The following FLOT2 variants were observed in gnomAD, a reference collection of about 807,000 sequenced individuals.
FLOT2 encodes flotillin-2.
FLOT2 carries 35 observed loss-of-function variants against 54.9 expected under a neutral mutation model. The observed-to-expected ratio is 0.64, with a 90% confidence interval of 0.49 to 0.84. The LOEUF (loss-of-function observed/expected upper bound fraction) is 0.84. Ranked by LOEUF, FLOT2 falls within the 40% of genes least tolerant of loss-of-function variation. The pLI, the probability that FLOT2 is intolerant of heterozygous loss-of-function variation, is 0.00. For synonymous variants in FLOT2, 207 were observed against 228.9 expected (o/e 0.90, Z 0.86); for missense variants, 464 against 572.1 (o/e 0.81, Z 1.93).
In FLOT2 at chr17:28,889,039, G is replaced by A. The variant is rs2039599632; in HGVS notation, c.50-13C>T. On this transcript the variant is annotated splice_polypyrimidine_tract_variant and intron_variant, in intron 1 of 10. Transcript: ENST00000394908. ...CCACAACAGCCCCCTGGGGAGCAAA[G>A]CAAACCACCGCAAGTCAGTCGGTTC... 6.2e-7 allele frequency: 1 copy of A among 1,612,376 alleles called. No homozygotes were observed. The highest frequency in any genetic ancestry group is 8.5e-7 in the Non-Finnish European group (1 of 1,178,652).
chr17:28,880,381 G>A lies in FLOT2; in HGVS notation c.*180C>T. 1 of 1,456,348 alleles carries A rather than the reference G, an allele frequency of 6.9e-7. No individual in the cohort carries two copies. The allele number at this position is 1,456,348 out of a possible 1,614,324, so 90.2% of individuals were successfully genotyped here. A position where few individuals can be genotyped will look rare whatever the true frequency, so the allele number is the denominator to read the frequency against. On this transcript the variant is annotated 3_prime_UTR_variant, in exon 11 of 11. Coordinates refer to ENST00000394908, the MANE Select transcript of FLOT2 (RefSeq NM_004475.3). ...AAAGTGGGGTAAAGGAGAGGAAGAG[G>A]AGGAGGTGGACAGACAGGAGAGACA... is the stretch of plus-strand genomic sequence containing the variant.
chr17:28,888,802 C>G lies in FLOT2; in HGVS notation c.131+143G>C, dbSNP rs1036704407. 5 of 503,210 alleles carry G rather than the reference C, an allele frequency of 9.9e-6. No homozygotes were observed. In the East Asian group the frequency reaches 1.2e-4, roughly 12 times the overall value. 31.2% of individuals were successfully genotyped at this position (503,210 alleles called of 1,614,324 possible). On this transcript the variant is annotated intron_variant, in intron 2 of 10. Coordinates refer to ENST00000394908, the MANE Select transcript of FLOT2 (RefSeq NM_004475.3). The stretch of plus-strand genomic sequence containing the variant: ...TTACATGCTTCTTAGGAAGTCCCCC[C>G]CAACCCCACCCCTCCACCGCCAGAA...
chr17:28,890,922 A>C (rs1363441886), intron 1 of FLOT2, among the ~76,000 whole-genome samples: 1 of 146,614 alleles, frequency 6.8e-6, no homozygotes, highest in Non-Finnish European at 1.5e-5. Flanking sequence ...AGTACACTGT[A>C]CACGAGTACA....
chr17:28,897,473 G>C lies in FLOT2; in HGVS notation c.49+53C>G, dbSNP rs2039762708. 1.3e-6 allele frequency: 2 copies of C among 1,536,206 alleles called. No individual in the cohort carries two copies. The highest frequency in any genetic ancestry group is 2.4e-5 in the South Asian group (2 of 85,084). On this transcript the variant is annotated intron_variant, in intron 1 of 10. Coordinates refer to ENST00000394908, the MANE Select transcript of FLOT2 (RefSeq NM_004475.3). This position sits in a 1 kb window ranked among gnomAD's most constrained non-coding sequence, Gnocchi z 4.4. The stretch of plus-strand genomic sequence containing the variant: ...TCTTCCCCGTGCACTCCCCAGCCCT[G>C]CACCCACCCCGAGCACCCTCCACAG...
chr17:28,891,334 T>C (rs191925588), intron 1 of FLOT2, among the ~76,000 whole-genome samples: 1 of 152,014 alleles, frequency 6.6e-6, no homozygotes, highest in East Asian at 1.9e-4. Flanking sequence ...ATAAGGCAAG[T>C]GGAGGGGCAG....
At chr17:28,881,601 A>C (rs1453984495) in intron 8 of FLOT2, among the ~76,000 whole-genome samples, 1 of 152,122 alleles carries the variant, frequency 6.6e-6, no homozygotes, top group African/African-American at 2.4e-5. Context: ...ATGCCCAAGC[A>C]CTACACCAGG....
intron 2 of FLOT2, chr17:28,885,948 C>T: frequency 3.9e-6 from 6 of 1,546,462 alleles, no homozygotes; most frequent in Non-Finnish European, 5.2e-6. Flanking sequence ...CAGAGACAGT[C>T]TGAGGAGCAG....
rs1262072723 is a variant in FLOT2, at chr17:28,882,792, A to G, written c.347-101T>C. On this transcript the variant is annotated intron_variant, in intron 4 of 10. Transcript: ENST00000394908. This position sits in a 1 kb window ranked among gnomAD's most constrained non-coding sequence, Gnocchi z 5.6. ...GGTAGGGGTGCATGCGGGGTGCTGC[A>G]CTCTGAGCTGGGTCTTCCTGGGGTA... 1 of 791,150 alleles carries G rather than the reference A, an allele frequency of 1.3e-6. No individual in the cohort carries two copies. Among genetic ancestry groups the G allele is most frequent in the Non-Finnish European group, 2.1e-6 (1 of 467,746 alleles). The allele number at this position is 791,150 out of a possible 1,614,324, so 49.0% of individuals were successfully genotyped here.
chr17:28,882,383 T>C lies in FLOT2; in HGVS notation c.533A>G (p.Asp178Gly). 1 of 1,614,072 alleles carries C rather than the reference T, an allele frequency of 6.2e-7. No homozygotes were observed. The highest frequency in any genetic ancestry group is 8.5e-7 in the Non-Finnish European group (1 of 1,180,018). ...AGCCTCGGCCACGCCAATGTCAGCA[T>C]CTCTCTGCACCACGGCAGTCTGCGT... Reference protein sequence around the residue: ...GKTQTAVVQRDADIGVAEAER... With the variant: ...GKTQTAVVQRGADIGVAEAER... Residue 178 changes from aspartate to glycine, a missense_variant, in exon 6 of 11, where the codon GAT (aspartate) becomes GGT (glycine). Physicochemically the swap from Asp to Gly is moderately conservative, Grantham distance 94. Transcript: ENST00000394908. This position sits in a 1 kb window ranked among gnomAD's most constrained non-coding sequence, Gnocchi z 5.6.
chr17:28,886,804 G>C lies in FLOT2; in HGVS notation c.131+2141C>G, dbSNP rs564843641. 1.7e-3 allele frequency among the ~76,000 whole-genome samples: 253 copies of C among 152,286 alleles called. 1 individual carries two copies. Among genetic ancestry groups the C allele is most frequent in the African/African-American group, 5.9e-3 (244 of 41,540 alleles). ...CAGAAGCAGGTGGAGGGGGTGATAA[G>C]GAGCAGCAGTCGATGTGCAGCCCCC... On this transcript the variant is annotated intron_variant, in intron 2 of 10. Transcript: ENST00000394908.
rs751761977 is a variant in FLOT2, at chr17:28,888,966, C to T, written c.110G>A (p.Trp37Ter). The change falls in exon 2 of 11, where the codon TGG (tryptophan) becomes TAG (stop). Residue 37 changes from tryptophan (W) to a stop codon, truncating the protein, a stop_gained. Coordinates refer to ENST00000394908, the MANE Select transcript of FLOT2 (RefSeq NM_004475.3). LOFTEE classifies it high-confidence loss of function. ...TTACCTCTGAGTGTCGGAGATACAC[C>T]ACCAGGCCCAGGCCCAGCCGCCAAA... ...YVFGGWAWAW[W>*]CISDTQRISL... 6 of 1,614,040 alleles carry T rather than the reference C, an allele frequency of 3.7e-6. No homozygotes were observed. The highest frequency in any genetic ancestry group is 1.7e-5 in the Admixed American group (1 of 59,996).
In FLOT2 at chr17:28,880,469, G is replaced by A; in HGVS notation, c.*92C>T. 2 of 1,550,944 alleles carry A rather than the reference G, an allele frequency of 1.3e-6. No homozygotes were observed. Among genetic ancestry groups the A allele is most frequent in the Non-Finnish European group, 1.7e-6 (2 of 1,148,060 alleles). Reference sequence around the variant, plus strand: ...CTGGTCCCTTCGAGATAAGGCACCAGAGTCAGTAACGTTCCCGTTGTTCTG... The same window carrying A: ...CTGGTCCCTTCGAGATAAGGCACCAAAGTCAGTAACGTTCCCGTTGTTCTG... On this transcript the variant is annotated 3_prime_UTR_variant, in exon 11 of 11. Transcript: ENST00000394908.
At chr17:28,891,128 G>A (rs751833277) in intron 1 of FLOT2, among the ~76,000 whole-genome samples, 46 of 152,136 alleles carry the variant, frequency 3.0e-4, no homozygotes, top group Non-Finnish European at 5.7e-4. Context: ...CGATCCACAT[G>A]CGTTGGCCTC....
chr17:28,886,419 C>T (rs1390155931), intron 2 of FLOT2, among the ~76,000 whole-genome samples: 12 of 152,172 alleles, frequency 7.9e-5, no homozygotes, highest in East Asian at 3.9e-4. Context: ...TAGCAAATGC[C>T]GAATCCGCCA....
Position 28,880,708 on chromosome 17 carries a change from C to A in FLOT2, c.1248+5G>T, listed in dbSNP as rs1220647922. The A allele has an allele frequency of 1.9e-6, 3 of 1,614,112 alleles. No individual in the cohort carries two copies. Among genetic ancestry groups the A allele is most frequent in the Admixed American group, 3.3e-5 (2 of 60,000 alleles). On this transcript the variant is annotated splice_donor_5th_base_variant and intron_variant, in intron 10 of 10. Transcript: ENST00000394908. Reference sequence around the variant, plus strand: ...CAACCCCACCGCAGCTAGGCAGGCACATACCTTAGACAGGTCCACGCCTGT... The same window carrying A: ...CAACCCCACCGCAGCTAGGCAGGCAAATACCTTAGACAGGTCCACGCCTGT...
rs2039513315 is a variant in FLOT2 at position 28,884,769 on chromosome 17, C to T, written c.132-454G>A. 6.6e-6 allele frequency among the ~76,000 whole-genome samples: 1 copy of T among 152,154 alleles called. No individual in the cohort carries two copies. On this transcript the variant is annotated intron_variant, in intron 2 of 10. Transcript: ENST00000394908. This position sits in a 1 kb window ranked among gnomAD's most constrained non-coding sequence, Gnocchi z 5.1. ...TTGGTCTACCCAGCACCCCAGGGTGCCCCAGGAAGTTGCTTGGAAAGCTCT... is the reference window on the plus strand; with the variant it reads ...TTGGTCTACCCAGCACCCCAGGGTGTCCCAGGAAGTTGCTTGGAAAGCTCT...
At chr17:28,890,959 C>T (rs1373337320) in intron 1 of FLOT2, among the ~76,000 whole-genome samples, 8 of 151,258 alleles carry the variant, frequency 5.3e-5, no homozygotes, top group Admixed American at 1.3e-4. Context: ...CGGCTCACTG[C>T]AGCCTCCACC....
chr17:28,896,225 C>A (rs1053392972), intron 1 of FLOT2, among the ~76,000 whole-genome samples: 10 of 152,230 alleles, frequency 6.6e-5, no homozygotes, highest in Non-Finnish European at 1.2e-4. Context: ...TGGGGCTCTT[C>A]TTGCCCCTCA....
chr17:28,894,390 G>A (rs1274239834), intron 1 of FLOT2, among the ~76,000 whole-genome samples: 5 of 152,096 alleles, frequency 3.3e-5, no homozygotes, highest in Non-Finnish European at 4.4e-5. Context: ...TTGGGAGGCC[G>A]AGGTGGGCGG....
Sources: gnomAD v4.1 joint callset for allele counts (sites outside exome capture counted in the v4.1 genomes callset) on GRCh38, gnomAD v4.1.1 for gene constraint, Gnocchi (gnomAD v3.1) non-coding constraint, MANE v1.5 for transcripts, NCBI Gene and HGNC (gene_info 2026-07-23, HGNC 2026-07-21) for gene names.